Variants in DNAH6 observed in about 807,000 individuals in gnomAD.
The protein encoded by DNAH6 is dynein axonemal heavy chain 6, also known as axonemal beta dynein heavy chain 6.
A neutral mutation model predicts 491.4 loss-of-function variants in DNAH6; 340 were observed. The ratio of observed to expected loss-of-function variants is 0.69; its 90% confidence interval spans 0.63 to 0.76. The LOEUF (loss-of-function observed/expected upper bound fraction) is 0.76, where lower values mean the gene tolerates loss of function less well. DNAH6 is among the 30% of genes least tolerant of loss of function. The pLI, the probability that DNAH6 is intolerant of heterozygous loss-of-function variation, is 0.00. For synonymous variants in DNAH6, 1,603 were observed against 1,686.1 expected (o/e 0.95, Z 1.21); for missense variants, 4,443 against 4,972.2 (o/e 0.89, Z 3.20).
chr2:84,785,462 G>A, intron 66 of DNAH6, 148 bp from the exon 67 acceptor site: 5 of 742,136 alleles, frequency 6.7e-6, no homozygotes, highest in South Asian at 2.4e-5. Context: ...TACAAAGCAG[G>A]CTCGAACATG....
At chr2:84,736,799 C>G (rs1339013726) in intron 62 of DNAH6, among the ~76,000 whole-genome samples, 1 of 152,090 alleles carries the variant, frequency 6.6e-6, no homozygotes, top group African/African-American at 2.4e-5. Flanking sequence ...TTGACTTCCT[C>G]TTTTCCTGTT....
At chr2:84,588,711 A>G (rs1241040397) in intron 15 of DNAH6, 115 bp from the exon 16 acceptor site, 1 of 1,035,166 alleles carries the variant, frequency 9.7e-7, no homozygotes, top group East Asian at 2.8e-5. Flanking sequence ...CATTTCTAAA[A>G]ATCAAAAAGA....
intron 62 of DNAH6, among the ~76,000 whole-genome samples, chr2:84,739,349 T>C (rs1385026404): frequency 1.3e-5 from 2 of 152,172 alleles, no homozygotes; most frequent in African/African-American, 4.8e-5. Flanking sequence ...TTGTGTAGCA[T>C]CTTACAGAAG....
At chr2:84,469,885 C>A in the DNAH6 span, among the ~76,000 whole-genome samples, 10 of 152,168 alleles carry the variant, frequency 6.6e-5, no homozygotes, top group African/African-American at 2.4e-4. This position sits in a 1 kb window ranked among gnomAD's most constrained non-coding sequence, Gnocchi z 4.0. Context: ...GGGCCTCTAA[C>A]CCCCTAAATC....
chr2:84,738,578 C>T (rs1318121192), intron 62 of DNAH6, among the ~76,000 whole-genome samples: 1 of 152,046 alleles, frequency 6.6e-6, no homozygotes, highest in Non-Finnish European at 1.5e-5. Flanking sequence ...TTGAATTGAG[C>T]CCCTTATCAT....
At position 84,762,747 on chromosome 2, in the gene DNAH6, A is replaced by G. The variant is rs1674710560; in HGVS notation, c.10513-8A>G. On this transcript the variant is annotated splice_polypyrimidine_tract_variant and splice_region_variant and intron_variant, in intron 63 of 76. Transcript: ENST00000389394. ...TCAACATACTTTTTTTTTCTTTTCA[A>G]CTTTCAGGTGGTTTTTGCTCTTACA... is the stretch of plus-strand genomic sequence containing the variant. The G allele has an allele frequency of 6.5e-7, 1 of 1,532,092 alleles. No individual in the cohort carries two copies. The highest frequency in any genetic ancestry group is 8.8e-7 in the Non-Finnish European group (1 of 1,138,492). The allele number at this position is 1,532,092 out of a possible 1,614,324, so 94.9% of individuals were successfully genotyped here. A position where few individuals can be genotyped will look rare whatever the true frequency, so the allele number is the denominator to read the frequency against.
chr2:84,613,947 ATC>A (rs1686579236), intron 22 of DNAH6, among the ~76,000 whole-genome samples: 1 of 152,082 alleles, frequency 6.6e-6, no homozygotes, highest in African/African-American at 2.4e-5. Context: ...ACTTTAAATT[ATC>A]TCGTTATTTT....
Position 84,797,653 on chromosome 2 carries a change from T to G in DNAH6, c.11476T>G (p.Phe3826Val), listed in dbSNP as rs1403004790. ...FGMHENANLV[F>V]QYKETSTLIN... ...AATGCATGAAAATGCTAATCTAGTC[T>G]TCCAGGTATGTGGCCTTTCATCTTA... Residue 3826 changes from phenylalanine (F) to valine (V), a missense_variant, in exon 70 of 77, where the codon TTC becomes GTC. Around this residue, in one of 3 missense-constraint regions of DNAH6, gnomAD observed 1,463 missense variants for 1,656.6 expected, o/e 0.88. Coordinates refer to ENST00000389394, the MANE Select transcript of DNAH6 (RefSeq NM_001370.2). The G allele has an allele frequency of 6.4e-7, 1 of 1,551,116 alleles. No individual in the cohort carries two copies. Among genetic ancestry groups the G allele is most frequent in the Admixed American group, 2.0e-5 (1 of 51,004 alleles).
chr2:84,672,263 C>A, intron 39 of DNAH6, 64 bp from the exon 40 acceptor site: 1 of 1,486,946 alleles, frequency 6.7e-7, no homozygotes, highest in Non-Finnish European at 9.1e-7. Context: ...CATACCCTAG[C>A]TTTGTCTTAC....
At chr2:84,462,704 T>C in the DNAH6 span, among the ~76,000 whole-genome samples, 1 of 152,280 alleles carries the variant, frequency 6.6e-6, no homozygotes, top group Middle Eastern at 3.4e-3. Context: ...GAGTCCACCT[T>C]AGTTAGCTAG....
chr2:84,494,844 C>G, the DNAH6 span, among the ~76,000 whole-genome samples: 6 of 152,296 alleles, frequency 3.9e-5, no homozygotes, highest in East Asian at 9.6e-4. Context: ...TTAATATGAA[C>G]TGAACCACCT....
chr2:84,693,560 G>A (rs1010682241), intron 45 of DNAH6, among the ~76,000 whole-genome samples: 3 of 151,830 alleles, frequency 2.0e-5, no homozygotes, highest in Admixed American at 6.6e-5. Context: ...TGGCTAAGAC[G>A]GTGAAACCCC....
intron 29 of DNAH6, among the ~76,000 whole-genome samples, chr2:84,630,175 A>T (rs1050654700): frequency 6.6e-6 from 1 of 152,148 alleles, no homozygotes; most frequent in Admixed American, 6.5e-5. Context: ...ACAACTAATA[A>T]ATGCAGAAGG....
At chr2:84,647,355 AC>A (rs1183040532) in intron 33 of DNAH6, among the ~76,000 whole-genome samples, 3 of 152,248 alleles carry the variant, frequency 2.0e-5, no homozygotes, top group Non-Finnish European at 4.4e-5. Context: ...GAAGGTGGCT[AC>A]ACTAAGCAAC....
At chr2:84,653,114 T>A (rs540693897) in intron 33 of DNAH6, among the ~76,000 whole-genome samples, 68 of 152,206 alleles carry the variant, frequency 4.5e-4, no homozygotes, top group Non-Finnish European at 2.4e-4. Flanking sequence ...ATTGGTCTAC[T>A]GTACAGGAAA....
At position 84,525,606 on chromosome 2, in the gene DNAH6, C is replaced by T; in HGVS notation, c.267C>T (p.Tyr89=). The T allele has an allele frequency of 6.5e-7, 1 of 1,549,590 alleles. No homozygotes were observed. Residue 89 remains tyrosine, a synonymous_variant, in exon 3 of 77, where the codon TAC becomes TAT. Coordinates refer to ENST00000389394, the MANE Select transcript of DNAH6 (RefSeq NM_001370.2). The part of the protein sequence containing the change: ...KVYQDHKQPE[Y]IHEQNRFQLM... ...ACCAAGATCATAAGCAGCCAGAATA[C>T]ATACATGAACAGAACCGATTTCAGT...
chr2:84,546,192 G>C (rs1042426465), intron 5 of DNAH6, among the ~76,000 whole-genome samples: 6 of 152,072 alleles, frequency 3.9e-5, no homozygotes, highest in African/African-American at 1.4e-4. Flanking sequence ...TTGGCTCTCA[G>C]TGTCTTGGGG....
At chr2:84,647,304 A>G (rs999920284) in intron 33 of DNAH6, among the ~76,000 whole-genome samples, 1 of 152,218 alleles carries the variant, frequency 6.6e-6, no homozygotes, top group African/African-American at 2.4e-5. Context: ...GCTGATGTAG[A>G]GGCTGCAGTA....
In DNAH6 at chr2:84,781,438, T is replaced by A. The variant is rs1380003700; in HGVS notation, c.10704-55T>A. Reference sequence around the variant, plus strand: ...CTACTGTATTTATATTTCTTCATATTGATTTTGCTTTAAAATAGCATAAGA... The same window carrying A: ...CTACTGTATTTATATTTCTTCATATAGATTTTGCTTTAAAATAGCATAAGA... On this transcript the variant is annotated intron_variant, in intron 64 of 76. Coordinates refer to ENST00000389394, the MANE Select transcript of DNAH6 (RefSeq NM_001370.2). 2.1e-6 allele frequency: 3 copies of A among 1,420,870 alleles called. No homozygotes were observed. The African/African-American group carries it at 4.3e-5, about 20-fold the overall frequency. 88.0% of individuals were successfully genotyped at this position (1,420,870 alleles called of 1,614,324 possible).
Sources: gnomAD v4.1 joint callset for allele counts (sites outside exome capture counted in the v4.1 genomes callset) on GRCh38, gnomAD v4.1.1 for gene constraint, gnomAD v4.1.1 regional missense constraint, Gnocchi (gnomAD v3.1) non-coding constraint, MANE v1.5 for transcripts, NCBI Gene and HGNC (gene_info 2026-07-23, HGNC 2026-07-21) for gene names.